DOK7: variants seen among roughly 807,000 people sequenced by gnomAD.
DOK7 encodes the protein protein Dok-7.
In DOK7, 32 loss-of-function variants were observed where a neutral mutation model predicts 30.7. The ratio of observed to expected loss-of-function variants is 1.04; its 90% CI spans 0.79 to 1.40. The LOEUF is 1.40. Ranked by LOEUF, DOK7 falls within the 40% of genes most tolerant of loss-of-function variation. DOK7 has a pLI of 0.00. For synonymous variants in DOK7, 447 were observed against 324.1 expected, an observed-to-expected ratio of 1.38 and a Z score of -4.07; for missense variants, 1,007 against 699.2, an observed-to-expected ratio of 1.44 and a Z score of -4.97.
At chr4:3,495,420 C>T (rs1337792261), downstream of DOK7, among the ~76,000 whole-genome samples, 1 of 152,250 alleles carries the variant, frequency 6.6e-6, no homozygotes, top group Non-Finnish European at 1.5e-5. Flanking sequence ...GACTGAAGCA[C>T]CCCACAGCGG....
In DOK7 at chr4:3,493,328, G is replaced by C. The variant is rs1374550864; in HGVS notation, c.1342G>C (p.Gly448Arg). Residue 448 changes from glycine (G) to arginine (R), a missense_variant, in exon 7 of 7, where the codon GGC (glycine) becomes CGC (arginine). By Grantham distance (125) the Gly-to-Arg change is moderately radical. Transcript: ENST00000340083. ...TSAGCPSGWL[G>R]TRRRGLVMEA... ...CGCCGGGTGTCCCTCTGGCTGGCTGGGCACGAGACGGCGGGGCCTGGTGAT... is the reference window on the plus strand; with the variant it reads ...CGCCGGGTGTCCCTCTGGCTGGCTGCGCACGAGACGGCGGGGCCTGGTGAT... 1 of 1,601,720 alleles carries C rather than the reference G, an allele frequency of 6.2e-7. No individual in the cohort carries two copies. Among genetic ancestry groups the C allele is most frequent in the South Asian group, 1.1e-5 (1 of 89,842 alleles).
rs1369232446 is a variant in DOK7 at position 3,500,814 on chromosome 4, G to GC, written c.1388dup (p.Gln464AlafsTer72). On this transcript the variant is annotated frameshift_variant, in exon 8 of 8. Transcript: ENST00000643608. LOFTEE classifies it high-confidence loss of function. ...GTCGGAGCTGGAGCAGAGGAAGGCA[G>GC]CCCCGCAGTGAGGTCACAGCGCCAG... 1.3e-6 allele frequency: 2 copies of GC among 1,531,824 alleles called. No homozygotes were observed. The highest frequency in any genetic ancestry group is 1.4e-5 in the African/African-American group (1 of 72,904). 94.9% of individuals were successfully genotyped at this position (1,531,824 alleles called of 1,614,324 possible).
At chr4:3,466,011 C>A (rs887205626) in intron 2 of DOK7, among the ~76,000 whole-genome samples, 2 of 152,148 alleles carry the variant, frequency 1.3e-5, no homozygotes, top group African/African-American at 4.8e-5. Context: ...CTTGAGGGGG[C>A]CTGCTTCCCA....
rs1030033742 is a variant in DOK7, at chr4:3,477,828, CGGGGGGTGGGGT to C, written c.532+1296_532+1307del. 3.5e-4 allele frequency among the ~76,000 whole-genome samples: 7 copies of C among 19,960 alleles called. No homozygotes were observed. The South Asian group carries it at 8.8e-3, about 25-fold the overall frequency. The allele number at this position is 19,960 out of a possible 152,430, so 13.1% of individuals were successfully genotyped here. The stretch of plus-strand genomic sequence containing the variant: ...TGCCTATGCCAGCTGTGAGCTGGTG[CGGGGGGTGGGGT>C]GGGGGGTGGTTCCCGGGAGAGCTAG... On this transcript the variant is annotated intron_variant, in intron 4 of 6. Transcript: ENST00000340083.
chr4:3,471,437 A>C (rs1010053330), intron 2 of DOK7, among the ~76,000 whole-genome samples: 1 of 152,200 alleles, frequency 6.6e-6, no homozygotes, highest in Non-Finnish European at 1.5e-5. Flanking sequence ...CCTCAGTGGA[A>C]GTTTCAACAT....
At chr4:3,487,373 G>A (rs1003293524) in intron 5 of DOK7, among the ~76,000 whole-genome samples, 1 of 152,228 alleles carries the variant, frequency 6.6e-6, no homozygotes, top group African/African-American at 2.4e-5. Flanking sequence ...GTGATCACAG[G>A]ACTCCCACAA....
intron 2 of DOK7, among the ~76,000 whole-genome samples, chr4:3,468,056 G>A (rs1006829922): frequency 1.3e-5 from 2 of 152,238 alleles, no homozygotes; most frequent in African/African-American, 2.4e-5. Flanking sequence ...GAGTGCATGA[G>A]TGCACGCTTC....
chr4:3,491,120 GT>G (rs1425993683), intron 6 of DOK7, among the ~76,000 whole-genome samples: 2 of 79,736 alleles, frequency 2.5e-5, no homozygotes, highest in East Asian at 8.6e-4. Flanking sequence ...CCCCCTGCTC[GT>G]TCATTCGTTT....
intron 4 of DOK7, among the ~76,000 whole-genome samples, chr4:3,479,458 G>A (rs1027102376): frequency 1.3e-5 from 2 of 152,266 alleles, no homozygotes; most frequent in African/African-American, 2.4e-5. Context: ...TGTGGGTGTC[G>A]TCACATTCAG....
rs766725880 is a variant in DOK7 at position 3,473,658 on chromosome 4, C to T, written c.331+22C>T. ...GAGGGTGAGTGACGGGGGCCGGGGC[C>T]GGGCGGGGGCTCCCCGTTCAGGTGT... On this transcript the variant is annotated intron_variant, in intron 3 of 6. Transcript: ENST00000340083. 5.4e-5 allele frequency: 83 copies of T among 1,523,458 alleles called. 1 individual carries two copies. Among genetic ancestry groups the T allele is most frequent in the South Asian group, 1.5e-4 (12 of 81,966 alleles). The allele number at this position is 1,523,458 out of a possible 1,614,324, so 94.4% of individuals were successfully genotyped here.
At chr4:3,466,126 A>T (rs1418792101) in intron 2 of DOK7, among the ~76,000 whole-genome samples, 3 of 151,232 alleles carry the variant, frequency 2.0e-5, no homozygotes, top group African/African-American at 7.4e-5. Context: ...GGGGAAGCTG[A>T]AACTCAGAAA....
intron 4 of DOK7, among the ~76,000 whole-genome samples, chr4:3,482,958 CGGGGTCAGGGGACTGAAG>C (rs1041147714): frequency 2.7e-5 from 4 of 150,872 alleles, no homozygotes; most frequent in African/African-American, 9.7e-5. Flanking sequence ...GAGGGGCTGT[CGGGGTCAGGGGACTGAAG>C]GGGGCCAGAG....
At chr4:3,467,146 G>T (rs1036855729) in intron 2 of DOK7, among the ~76,000 whole-genome samples, 14 of 152,114 alleles carry the variant, frequency 9.2e-5, no homozygotes, top group Non-Finnish European at 1.8e-4. Flanking sequence ...CTGTCCCGCA[G>T]CCACTTCTGC....
rs1470133440 is a variant in DOK7, at chr4:3,473,406, A to T, written c.101A>T (p.Asp34Val). The change falls in exon 3 of 7, where the codon GAC (aspartate) becomes GTC (valine). Residue 34 changes from aspartate to valine, a missense_variant and splice_region_variant. Coordinates refer to ENST00000340083, the MANE Select transcript of DOK7 (RefSeq NM_173660.5). Reference sequence around the variant, plus strand: ...TCCCTGACGGCCACGCTCCTTGCAGACTGCCTGCTGATGCTGGTCTACAAG... The same window carrying T: ...TCCCTGACGGCCACGCTCCTTGCAGTCTGCCTGCTGATGCTGGTCTACAAG... ...LVLRKPSPVA[D>V]CLLMLVYKDK... 3 of 1,610,794 alleles carry T rather than the reference A, an allele frequency of 1.9e-6. No homozygotes were observed. The highest frequency in any genetic ancestry group is 2.5e-6 in the Non-Finnish European group (3 of 1,179,772).
chr4:3,496,631 TGGGGGCTGTG>T (rs1359799143), downstream of DOK7, among the ~76,000 whole-genome samples: 3 of 151,850 alleles, frequency 2.0e-5, no homozygotes, highest in Non-Finnish European at 4.4e-5. Flanking sequence ...CCCGGAGATC[TGGGGGCTGTG>T]GGGCAAAGGG....
chr4:3,493,896 G>A lies in DOK7; in HGVS notation c.*395G>A. 1.9e-6 allele frequency: 2 copies of A among 1,070,300 alleles called. No individual in the cohort carries two copies. The highest frequency in any genetic ancestry group is 1.7e-5 in the African/African-American group (1 of 59,378). 66.3% of individuals were successfully genotyped at this position (1,070,300 alleles called of 1,614,324 possible). A position where few individuals can be genotyped will look rare whatever the true frequency, so the allele number is the denominator to read the frequency against. ...TGGGCCTCACGCCCCCTTCGGGGGT[G>A]GCCGGTTCTCCCCATCACCTCTCTG... On this transcript the variant is annotated 3_prime_UTR_variant, in exon 7 of 7. Transcript: ENST00000340083.
chr4:3,463,773 G>A (rs1221231701), intron 2 of DOK7, among the ~76,000 whole-genome samples: 10 of 152,188 alleles, frequency 6.6e-5, no homozygotes, highest in Non-Finnish European at 1.3e-4. Context: ...AGGCCCGAGG[G>A]GCTGCCTGGT....
rs1728773880 is a variant in DOK7, at chr4:3,494,381, C to T, written c.*880C>T. On this transcript the variant is annotated 3_prime_UTR_variant, in exon 7 of 7. Coordinates refer to ENST00000340083, the MANE Select transcript of DOK7 (RefSeq NM_173660.5). ...AGCCTGGAGCCTGCCCTGACCACAGCCCAGCAGCTCCCTGTGAACACCTCT... is the reference window on the plus strand; with the variant it reads ...AGCCTGGAGCCTGCCCTGACCACAGTCCAGCAGCTCCCTGTGAACACCTCT... 9 of 985,504 alleles carry T rather than the reference C, an allele frequency of 9.1e-6. No homozygotes were observed. In the South Asian group the frequency reaches 4.2e-4, roughly 46 times the overall value. The allele number at this position is 985,504 out of a possible 1,614,324, so 61.0% of individuals were successfully genotyped here.
chr4:3,465,292 G>A (rs1726205051), intron 2 of DOK7, among the ~76,000 whole-genome samples: 2 of 152,188 alleles, frequency 1.3e-5, no homozygotes, highest in Non-Finnish European at 2.9e-5. Context: ...AGGCCCTGAT[G>A]CCTCTTCCCC....
Sources: allele counts gnomAD v4.1 joint callset (sites outside exome capture counted in the v4.1 genomes callset), GRCh38; gene constraint gnomAD v4.1.1; transcripts MANE v1.5; gene names NCBI Gene and HGNC (gene_info 2026-07-23, HGNC 2026-07-21).